SPIDR: variants seen among roughly 807,000 people sequenced by gnomAD.
The protein encoded by SPIDR is DNA repair-scaffolding protein.
A neutral mutation model predicts 104.6 loss-of-function variants in SPIDR; 93 were observed. The ratio of observed to expected loss-of-function variants is 0.89; its 90% CI spans 0.75 to 1.06. The LOEUF (loss-of-function observed/expected upper bound fraction) is 1.06. Ranked by LOEUF, SPIDR falls within the 50% of genes least tolerant of loss-of-function variation. The pLI is 0.00. For missense variants in SPIDR, 1,154 were observed against 1,111.2 expected, an observed-to-expected ratio of 1.04 and a Z score of -0.55; for synonymous variants, 431 against 416.9, an observed-to-expected ratio of 1.03 and a Z score of -0.41.
chr8:47,516,213 G>A (rs1469338462), intron 8 of SPIDR, among the ~76,000 whole-genome samples: 1 of 152,022 alleles, frequency 6.6e-6, no homozygotes, highest in Non-Finnish European at 1.5e-5. Flanking sequence ...CAAAGTGCTG[G>A]GATTGCAGGC....
At chr8:47,556,640 C>T (rs768828015) in intron 8 of SPIDR, among the ~76,000 whole-genome samples, 1 of 152,060 alleles carries the variant, frequency 6.6e-6, no homozygotes, top group Non-Finnish European at 1.5e-5. Context: ...CTTTGTTTTG[C>T]CCAGAGTGGA....
At chr8:47,475,330 G>GTGC (rs1554723169) in intron 8 of SPIDR, among the ~76,000 whole-genome samples, 6 of 152,336 alleles carry the variant, frequency 3.9e-5, no homozygotes, top group African/African-American at 1.4e-4. Context: ...TCGGATTGGA[G>GTGC]TGCAGTCATG....
intron 5 of SPIDR, chr8:47,360,785 C>T (rs1395853509): frequency 1.3e-5 from 13 of 977,472 alleles, no homozygotes; most frequent in African/African-American, 1.7e-5. Context: ...GTCTGTGGGG[C>T]AAAAATTTGT....
rs1315162223 is a variant in SPIDR, at chr8:47,503,086, T to A, written c.1097+62544T>A. Among the ~76,000 whole-genome samples the A allele has an allele frequency of 2.0e-5, 3 of 152,260 alleles. 1 individual carries two copies. Among genetic ancestry groups the A allele is most frequent in the African/African-American group, 4.8e-5 (2 of 41,564 alleles). ...GTGGTCAGTTTTGGAATAGGTGTGT[T>A]GTGGTGCTGAAAAGAATGTATATTC... On this transcript the variant is annotated intron_variant, in intron 8 of 19. Coordinates refer to ENST00000297423, the MANE Select transcript of SPIDR (RefSeq NM_001080394.4).
chr8:47,422,414 C>T (rs369746877), intron 7 of SPIDR, among the ~76,000 whole-genome samples: 2 of 152,150 alleles, frequency 1.3e-5, no homozygotes, highest in South Asian at 2.1e-4. Context: ...GAGCCACGTG[C>T]GGGATACAAT....
chr8:47,541,142 G>T (rs2088042629), intron 8 of SPIDR, among the ~76,000 whole-genome samples: 1 of 152,204 alleles, frequency 6.6e-6, no homozygotes, highest in Admixed American at 6.5e-5. Context: ...TTACAGGCAC[G>T]AGCCACTGCG....
chr8:47,640,809 C>T (rs2068771180), intron 10 of SPIDR, among the ~76,000 whole-genome samples: 1 of 120,358 alleles, frequency 8.3e-6, no homozygotes, highest in African/African-American at 3.3e-5. Flanking sequence ...TCCCAAGTAG[C>T]TGGAACTACA....
At chr8:47,492,308 A>G (rs1181981253) in intron 8 of SPIDR, among the ~76,000 whole-genome samples, 1 of 152,158 alleles carries the variant, frequency 6.6e-6, no homozygotes, top group Non-Finnish European at 1.5e-5. Context: ...CCCAAGGTAT[A>G]AGACCAGTAT....
At chr8:47,451,190 G>A (rs1449304131) in intron 8 of SPIDR, among the ~76,000 whole-genome samples, 1 of 152,076 alleles carries the variant, frequency 6.6e-6, no homozygotes, top group Non-Finnish European at 1.5e-5. Flanking sequence ...CAGGAAAATG[G>A]TATCAAAACA....
chr8:47,552,363 C>T (rs756796021), intron 8 of SPIDR, among the ~76,000 whole-genome samples: 45 of 152,146 alleles, frequency 3.0e-4, no homozygotes, highest in Non-Finnish European at 6.0e-4. Flanking sequence ...CTAATATTTA[C>T]AGTGGGGTGT....
rs1259742536 is a variant in SPIDR, at chr8:47,284,770, C to G, written c.256+676C>G. 2.0e-5 allele frequency among the ~76,000 whole-genome samples: 3 copies of G among 152,202 alleles called. No individual in the cohort carries two copies. The East Asian group carries it at 5.8e-4, about 29-fold the overall frequency. On this transcript the variant is annotated intron_variant, in intron 3 of 19. Transcript: ENST00000297423. The stretch of plus-strand genomic sequence containing the variant: ...GGAAGGAATGCGCTTCCCAGTACCT[C>G]TACCTTTGACTAGAACCTGTTACAA...
intron 10 of SPIDR, among the ~76,000 whole-genome samples, chr8:47,661,746 A>G (rs1563461633): frequency 6.6e-6 from 1 of 152,204 alleles, no homozygotes; most frequent in Non-Finnish European, 1.5e-5. Context: ...ATAGATACAC[A>G]AAGATTTAAC....
chr8:47,568,829 T>C (rs2058195641), intron 8 of SPIDR, among the ~76,000 whole-genome samples: 2 of 152,184 alleles, frequency 1.3e-5, no homozygotes, highest in Non-Finnish European at 2.9e-5. Flanking sequence ...TGCCAAGATA[T>C]ATTAGAGTCA....
intron 8 of SPIDR, among the ~76,000 whole-genome samples, chr8:47,565,203 G>A (rs2057627694): frequency 6.6e-6 from 1 of 152,174 alleles, no homozygotes; most frequent in South Asian, 2.1e-4. Context: ...CCAAGATCAC[G>A]CCATTGCACT....
At chr8:47,624,415 A>G (rs2065670239) in intron 10 of SPIDR, among the ~76,000 whole-genome samples, 1 of 152,224 alleles carries the variant, frequency 6.6e-6, no homozygotes, top group Non-Finnish European at 1.5e-5. Context: ...ACAGAGACAC[A>G]AAAAACCCTT....
At chr8:47,696,747 A>G (rs2079388789) in intron 11 of SPIDR, among the ~76,000 whole-genome samples, 1 of 152,180 alleles carries the variant, frequency 6.6e-6, no homozygotes, top group Admixed American at 6.5e-5. Flanking sequence ...CCTCAAACAG[A>G]GGCACATGTC....
chr8:47,423,416 A>G (rs2065899573), intron 7 of SPIDR, among the ~76,000 whole-genome samples: 1 of 151,966 alleles, frequency 6.6e-6, no homozygotes, highest in Admixed American at 6.6e-5. Flanking sequence ...GACCAGTCTC[A>G]CCAATATGGC....
At chr8:47,682,015 A>T (rs2077153350) in intron 11 of SPIDR, among the ~76,000 whole-genome samples, 3 of 152,138 alleles carry the variant, frequency 2.0e-5, no homozygotes, top group African/African-American at 7.2e-5. Context: ...CTTAGACCAG[A>T]AGAATATGGG....
intron 5 of SPIDR, among the ~76,000 whole-genome samples, chr8:47,358,710 A>G (rs1489250101): frequency 2.6e-5 from 4 of 152,230 alleles, no homozygotes; most frequent in South Asian, 2.1e-4. Context: ...TTGCAGTTCA[A>G]TTGCATTATC....
Sources: allele counts gnomAD v4.1 joint callset (sites outside exome capture counted in the v4.1 genomes callset), GRCh38; gene constraint gnomAD v4.1.1; transcripts MANE v1.5; gene names NCBI Gene and HGNC (gene_info 2026-07-23, HGNC 2026-07-21).